Variants in JKAMP observed in about 807,000 individuals in gnomAD.
The protein encoded by JKAMP is JNK1/MAPK8-associated membrane protein.
A neutral mutation model predicts 40.2 loss-of-function variants in JKAMP; 20 were observed. The observed-to-expected ratio is 0.50, with a 90% confidence interval of 0.35 to 0.72. The LOEUF (loss-of-function observed/expected upper bound fraction) is 0.72, where lower values mean the gene tolerates loss of function less well. Among genes scored for constraint, JKAMP ranks in the 30% least tolerant of loss-of-function variants. The pLI is 0.01. For missense variants in JKAMP, 276 were observed against 373.0 expected, an observed-to-expected ratio of 0.74 and a Z score of 2.14; for synonymous variants, 138 against 131.6, an observed-to-expected ratio of 1.05 and a Z score of -0.33.
chr14:59,501,190 GA>G lies in JKAMP; in HGVS notation c.641del (p.Tyr214PhefsTer9). 6.4e-7 allele frequency: 1 copy of G among 1,570,178 alleles called. No homozygotes were observed. Among genetic ancestry groups the G allele is most frequent in the Non-Finnish European group, 8.7e-7 (1 of 1,145,460 alleles). On this transcript the variant is annotated frameshift_variant and splice_region_variant, in exon 6 of 7. Coordinates refer to ENST00000616435, the MANE Select transcript of JKAMP (RefSeq NM_016475.5). LOFTEE classifies it high-confidence loss of function. ...VLQAVGGGLL[Y>X]YAFPYIILVL... ...ACATAATACCAATGCTTATCTTTCA[GA>G]TTACGCCTTCCCATACATTATATTA...
intron 6 of JKAMP, among the ~76,000 whole-genome samples, chr14:59,502,303 T>A (rs1206067620): frequency 1.3e-5 from 2 of 152,212 alleles, no homozygotes; most frequent in East Asian, 3.8e-4. Context: ...GTATAAAGTG[T>A]CTCAGTACTC....
Position 59,504,426 on chromosome 14 carries a change from T to G in JKAMP, c.*354T>G. The G allele has an allele frequency of 5.0e-6, 1 of 198,192 alleles. No individual in the cohort carries two copies. Among genetic ancestry groups the G allele is most frequent in the Non-Finnish European group, 1.0e-5 (1 of 97,788 alleles). The allele number at this position is 198,192 out of a possible 1,614,324, so 12.3% of individuals were successfully genotyped here. On this transcript the variant is annotated 3_prime_UTR_variant, in exon 7 of 7. Transcript: ENST00000616435. ...AAGCTTTAACACGTGTAATCTGCAG[T>G]CCTTAACAGTGGCGTAATTGTACTT...
rs763359490 is a variant in JKAMP, at chr14:59,486,771, A to G, written c.63A>G (p.Lys21=). The G allele has an allele frequency of 7.5e-6, 12 of 1,593,068 alleles. No homozygotes were observed. The Admixed American group carries it at 1.2e-4, about 16-fold the overall frequency. ...ATTGTGGGAAGACCCTATTATTTAA[A>G]AATGGCTCAACTGAAATATATGGAG... ...GLYCGKTLLF[K]NGSTEIYGEC... is the part of the protein sequence containing the mutation. The change falls in exon 2 of 7, where the codon AAA becomes AAG. Residue 21 remains lysine, a synonymous_variant. Transcript: ENST00000616435.
chr14:59,497,699 G>A (rs1891553055), intron 4 of JKAMP, among the ~76,000 whole-genome samples: 1 of 152,094 alleles, frequency 6.6e-6, no homozygotes, highest in Non-Finnish European at 1.5e-5. Flanking sequence ...TTCTTTTGAT[G>A]TTGTTTGGGG....
In JKAMP at chr14:59,486,759, C is replaced by G; in HGVS notation, c.51C>G (p.Thr17=). The G allele has an allele frequency of 6.3e-7, 1 of 1,595,674 alleles. No homozygotes were observed. The highest frequency in any genetic ancestry group is 8.5e-7 in the Non-Finnish European group (1 of 1,169,876). ...PACLGLYCGK[T]LLFKNGSTEI... ...GCCTTGGACTTTATTGTGGGAAGAC[C>G]CTATTATTTAAAAATGGCTCAACTG... The change falls in exon 2 of 7, where the codon ACC becomes ACG. Residue 17 remains threonine, a synonymous_variant. Transcript: ENST00000616435.
chr14:59,502,755 T>TGTTTTTTTTTTTTTGTTTTTTTGTTTTG (rs67189643), intron 6 of JKAMP, among the ~76,000 whole-genome samples: 8 of 122,914 alleles, frequency 6.5e-5, no homozygotes, highest in South Asian at 2.7e-4. Flanking sequence ...ATGAGATTTT[T>TGTTTTTTTTTTTTTGTTTTTTTGTTTTG]TTTTTTTTTT....
intron 3 of JKAMP, among the ~76,000 whole-genome samples, chr14:59,489,732 TG>T (rs1890844842): frequency 6.6e-6 from 1 of 152,190 alleles, no homozygotes; most frequent in South Asian, 2.1e-4. Context: ...CCCATGGTTT[TG>T]CAGGCTGTAC....
At chr14:59,501,436 C>T (rs193025523) in intron 6 of JKAMP, among the ~76,000 whole-genome samples, 169 bp downstream of exon 6, 51 of 152,266 alleles carry the variant, frequency 3.3e-4, no homozygotes, top group African/African-American at 9.6e-4. Flanking sequence ...AAGTTGTGTA[C>T]TGGACTATAT....
In JKAMP at chr14:59,502,755, T is replaced by TGTTTTTTTTTCTTTGTTTTTGG. The variant is rs67189643; in HGVS notation, c.718-1099_718-1098insGTTTTTTTTTCTTTGTTTTTGG. Among the ~76,000 whole-genome samples the TGTTTTTTTTTCTTTGTTTTTGG allele has an allele frequency of 3.3e-5, 4 of 122,918 alleles. 1 individual carries two copies. The South Asian group carries it at 8.1e-4, about 25-fold the overall frequency. 80.6% of individuals were successfully genotyped at this position (122,918 alleles called of 152,430 possible). A position where few individuals can be genotyped will look rare whatever the true frequency, so the allele number is the denominator to read the frequency against. On this transcript the variant is annotated intron_variant, in intron 6 of 6. Transcript: ENST00000616435. ...GGATATTTGAATAAAATGAGATTTTTTTTTTTTTTTTTTTTTTTCGGAGTC... is the reference window on the plus strand; with the variant it reads ...GGATATTTGAATAAAATGAGATTTTTGTTTTTTTTTCTTTGTTTTTGGTTTTTTTTTTTTTTTTTTCGGAGTC...
Position 59,495,042 on chromosome 14 carries a change from C to A in JKAMP, c.276C>A (p.Ile92=). ...KKSSSALFQH[I]TALFECSMAA... ...GTTCCAGCGCACTTTTCCAACACATCACTGCATTATTTGAATGCAGCATGG... is the reference window on the plus strand; with the variant it reads ...GTTCCAGCGCACTTTTCCAACACATAACTGCATTATTTGAATGCAGCATGG... The change falls in exon 4 of 7, where the codon ATC becomes ATA. Residue 92 remains isoleucine (I), a synonymous_variant. Coordinates refer to ENST00000616435, the MANE Select transcript of JKAMP (RefSeq NM_016475.5). 1.9e-6 allele frequency: 3 copies of A among 1,613,640 alleles called. No homozygotes were observed. Among genetic ancestry groups the A allele is most frequent in the South Asian group, 1.1e-5 (1 of 91,076 alleles).
At position 59,504,323 on chromosome 14, in the gene JKAMP, C is replaced by T; in HGVS notation, c.*251C>T. On this transcript the variant is annotated 3_prime_UTR_variant, in exon 7 of 7. Transcript: ENST00000616435. ...GAAGGCCGCTAGGAAGCCCTTGCTTCTCTCAACAGTTCAGCTGTTCTTTAG... is the reference window on the plus strand; with the variant it reads ...GAAGGCCGCTAGGAAGCCCTTGCTTTTCTCAACAGTTCAGCTGTTCTTTAG... 2.2e-6 allele frequency: 1 copy of T among 452,548 alleles called. No homozygotes were observed. Among genetic ancestry groups the T allele is most frequent in the Non-Finnish European group, 3.9e-6 (1 of 255,126 alleles). The allele number at this position is 452,548 out of a possible 1,614,324, so 28.0% of individuals were successfully genotyped here.
rs1892162106 is a variant in JKAMP at position 59,504,047 on chromosome 14, T to C, written c.911T>C (p.Leu304Pro). 6.2e-7 allele frequency: 1 copy of C among 1,612,916 alleles called. No homozygotes were observed. The highest frequency in any genetic ancestry group is 8.5e-7 in the Non-Finnish European group (1 of 1,179,016). Reference protein sequence around the residue: ...TAKFTEPSRILSEGANGH With the variant: ...TAKFTEPSRIPSEGANGH ...AAATTTACCGAACCTTCAAGGATAC[T>C]CTCAGAAGGAGCCAATGGACACTGA... The change falls in exon 7 of 7, where the codon CTC (leucine) becomes CCC (proline). Residue 304 changes from leucine to proline, a missense_variant. Coordinates refer to ENST00000616435, the MANE Select transcript of JKAMP (RefSeq NM_016475.5).
chr14:59,484,837 G>A (rs1461656030), intron 1 of JKAMP: 26 of 1,037,120 alleles, frequency 2.5e-5, no homozygotes, highest in African/African-American at 3.2e-5. Context: ...TGTTTGGTCC[G>A]AAATGTCTCT....
At chr14:59,485,057 G>T (rs1169365785) in intron 1 of JKAMP, 1 of 1,598,352 alleles carries the variant, frequency 6.3e-7, no homozygotes, top group Admixed American at 1.7e-5. Context: ...TTTAGCCATC[G>T]TTCGCTAAAG....
At chr14:59,487,563 TG>T in intron 2 of JKAMP, 110 bp from the exon 3 acceptor site, 1 of 789,188 alleles carries the variant, frequency 1.3e-6, no homozygotes, top group Non-Finnish European at 2.1e-6. Context: ...AAGCTGCACA[TG>T]TAAACTTAAA....
At chr14:59,502,755 T>TGTTTTATTTTCTTTGTTTTTG (rs67189643) in intron 6 of JKAMP, among the ~76,000 whole-genome samples, 2 of 122,918 alleles carry the variant, frequency 1.6e-5, no homozygotes, top group Admixed American at 1.8e-4. Flanking sequence ...ATGAGATTTT[T>TGTTTTATTTTCTTTGTTTTTG]TTTTTTTTTT....
intron 3 of JKAMP, among the ~76,000 whole-genome samples, chr14:59,494,609 G>T (rs958325811): frequency 6.6e-6 from 1 of 152,194 alleles, no homozygotes; most frequent in Non-Finnish European, 1.5e-5. Flanking sequence ...AGGTATGGAT[G>T]GGGAGGAACA....
At chr14:59,491,002 A>T (rs1225805640) in intron 3 of JKAMP, among the ~76,000 whole-genome samples, 1 of 152,238 alleles carries the variant, frequency 6.6e-6, no homozygotes, top group African/African-American at 2.4e-5. Context: ...GGTGGGTTTA[A>T]AAAGAGGGAG....
chr14:59,496,799 T>G (rs1172468223), intron 4 of JKAMP, among the ~76,000 whole-genome samples: 1 of 152,196 alleles, frequency 6.6e-6, no homozygotes, highest in Non-Finnish European at 1.5e-5. Context: ...TTACCAACAG[T>G]CATTGTAGAA....
Sources: allele counts gnomAD v4.1 joint callset (sites outside exome capture counted in the v4.1 genomes callset), GRCh38; gene constraint gnomAD v4.1.1; transcripts MANE v1.5; gene names NCBI Gene and HGNC (gene_info 2026-07-23, HGNC 2026-07-21).